PPFIBP2: variants seen among roughly 807,000 people sequenced by gnomAD.
PPFIBP2 encodes liprin-beta-2.
Under a neutral mutation model 118.3 loss-of-function variants are expected in PPFIBP2, and 118 were observed. That is an observed-to-expected ratio of 1.00 (90% CI 0.86 to 1.16). The LOEUF (loss-of-function observed/expected upper bound fraction) is 1.16, where lower values mean the gene tolerates loss of function less well. Among genes scored for constraint, PPFIBP2 ranks in the 50% most tolerant of loss-of-function variants. PPFIBP2 has a pLI of 0.00. For missense variants in PPFIBP2, 1,195 were observed against 1,073.1 expected (o/e 1.11, Z -1.59); for synonymous variants, 414 against 397.4 (o/e 1.04, Z -0.50).
At chr11:7,648,755 T>C (rs546116603) in intron 18 of PPFIBP2, 45 bp from the exon 19 acceptor site, 47 of 1,582,588 alleles carry the variant, frequency 3.0e-5, no homozygotes, top group South Asian at 1.0e-4. Flanking sequence ...GAGGGCCAAA[T>C]TGCCTGCCAA....
downstream of PPFIBP2, among the ~76,000 whole-genome samples, chr11:7,659,466 G>A (rs540818173): frequency 3.1e-4 from 47 of 149,328 alleles, no homozygotes; most frequent in South Asian, 6.5e-4. Flanking sequence ...GATATGTGGC[G>A]TTATTTCTGA....
the PPFIBP2 span, chr11:7,665,800 G>C: frequency 5.3e-6 from 8 of 1,502,900 alleles, no homozygotes; most frequent in Non-Finnish European, 7.1e-6. Flanking sequence ...CAGCATTGAC[G>C]AGGAAGGAGA....
At chr11:7,542,529 A>G (rs779165560) in intron 1 of PPFIBP2, among the ~76,000 whole-genome samples, 2 of 152,122 alleles carry the variant, frequency 1.3e-5, no homozygotes, top group Non-Finnish European at 2.9e-5. Flanking sequence ...CAGCTGCTTA[A>G]TTTTTTTAGT....
the PPFIBP2 span, chr11:7,665,683 C>T: frequency 2.6e-6 from 3 of 1,174,744 alleles, no homozygotes; most frequent in Non-Finnish European, 3.5e-6. Flanking sequence ...TGTACTACTG[C>T]TCCCTGCAAA....
At chr11:7,536,443 G>A (rs1851222986) in intron 1 of PPFIBP2, among the ~76,000 whole-genome samples, 1 of 152,170 alleles carries the variant, frequency 6.6e-6, no homozygotes, top group Non-Finnish European at 1.5e-5. Context: ...GAGCAGAAGA[G>A]GGAGAGAGTG....
intron 2 of PPFIBP2, among the ~76,000 whole-genome samples, chr11:7,564,937 C>G (rs1854784454): frequency 6.6e-6 from 1 of 152,184 alleles, no homozygotes; most frequent in Admixed American, 6.5e-5. Context: ...CAAGATCCAT[C>G]CCTTTATCAG....
At chr11:7,529,383 G>A (rs890102332) in intron 1 of PPFIBP2, among the ~76,000 whole-genome samples, 2 of 152,170 alleles carry the variant, frequency 1.3e-5, no homozygotes, top group South Asian at 4.1e-4. Context: ...GTTACACATC[G>A]TATATGGAAA....
intron 11 of PPFIBP2, 188 bp from the exon 12 acceptor site, chr11:7,632,679 T>G (rs1850925937): frequency 1.9e-6 from 1 of 529,456 alleles, no homozygotes; most frequent in Non-Finnish European, 3.5e-6. Context: ...CTGGCCCAGA[T>G]GGACTGATAA....
At chr11:7,614,369 A>G (rs1848400185) in intron 6 of PPFIBP2, among the ~76,000 whole-genome samples, 1 of 152,242 alleles carries the variant, frequency 6.6e-6, no homozygotes, top group African/African-American at 2.4e-5. Context: ...TTTTATACAA[A>G]TGTACACTAT....
rs373021604 is a variant in PPFIBP2, at chr11:7,628,214, G to T, written c.827-71G>T. 95 of 1,297,074 alleles carry T rather than the reference G, an allele frequency of 7.3e-5. 3 individuals carry two copies. The African/African-American group carries it at 1.2e-3, about 16-fold the overall frequency. 80.3% of individuals were successfully genotyped at this position (1,297,074 alleles called of 1,614,324 possible). On this transcript the variant is annotated intron_variant, in intron 8 of 23. Coordinates refer to ENST00000299492, the MANE Select transcript of PPFIBP2 (RefSeq NM_003621.5). ...GGCAAGTCTTCATTTGAACTTGGGG[G>T]ACATCATAGCAAGTGCGGATAGCTG...
the PPFIBP2 span, chr11:7,666,125 G>T: frequency 3.2e-6 from 2 of 615,504 alleles, no homozygotes; most frequent in African/African-American, 3.7e-5. Flanking sequence ...GAAGGGGTCA[G>T]TGCCCATATT....
At chr11:7,560,014 G>A (rs561544635) in intron 2 of PPFIBP2, among the ~76,000 whole-genome samples, 2 of 152,284 alleles carry the variant, frequency 1.3e-5, no homozygotes, top group East Asian at 3.9e-4. Context: ...AGTATGTCCT[G>A]TTTCCAGAAG....
intron 23 of PPFIBP2, 98 bp downstream of exon 23, chr11:7,651,942 C>A: frequency 8.5e-7 from 1 of 1,176,886 alleles, no homozygotes; most frequent in South Asian, 1.6e-5. Flanking sequence ...GCAGCATGCG[C>A]AGCCTGGACA....
At chr11:7,598,713 T>C (rs1419401965) in intron 5 of PPFIBP2, among the ~76,000 whole-genome samples, 1 of 152,188 alleles carries the variant, frequency 6.6e-6, no homozygotes, top group African/African-American at 2.4e-5. Flanking sequence ...GGACTACTTA[T>C]AATCTTTCCT....
intron 1 of PPFIBP2, among the ~76,000 whole-genome samples, chr11:7,517,410 A>G (rs1849319843): frequency 6.6e-6 from 1 of 152,088 alleles, no homozygotes; most frequent in Admixed American, 6.5e-5. Context: ...AGGGGTAAGG[A>G]AAGGTTGCAT....
At chr11:7,614,318 C>T (rs1848393274) in intron 6 of PPFIBP2, among the ~76,000 whole-genome samples, 1 of 152,216 alleles carries the variant, frequency 6.6e-6, no homozygotes, top group African/African-American at 2.4e-5. Context: ...TGGACAAGTA[C>T]ATTCATGTGG....
chr11:7,546,365 C>T (rs1259305911), intron 1 of PPFIBP2, among the ~76,000 whole-genome samples: 1 of 152,190 alleles, frequency 6.6e-6, no homozygotes, highest in Non-Finnish European at 1.5e-5. Flanking sequence ...ATAGGATACA[C>T]CTTGAATCAT....
the PPFIBP2 span, chr11:7,665,853 C>T: frequency 6.5e-7 from 1 of 1,535,958 alleles, no homozygotes; most frequent in South Asian, 1.2e-5. Flanking sequence ...GTACAGCCAG[C>T]TGGAGTTGTC....
intron 3 of PPFIBP2, among the ~76,000 whole-genome samples, chr11:7,578,103 G>C (rs530555672): frequency 2.6e-5 from 4 of 152,336 alleles, no homozygotes; most frequent in African/African-American, 7.2e-5. Flanking sequence ...CTGCATTTCC[G>C]GAGGAAAGCT....
Sources: allele counts gnomAD v4.1 joint callset (sites outside exome capture counted in the v4.1 genomes callset), GRCh38; gene constraint gnomAD v4.1.1; transcripts MANE v1.5; gene names NCBI Gene and HGNC (gene_info 2026-07-23, HGNC 2026-07-21).